LRRC4B: variants seen among roughly 807,000 people sequenced by gnomAD.
LRRC4B encodes the protein leucine-rich repeat-containing protein 4B.
Under a neutral mutation model 7.3 loss-of-function variants are expected in LRRC4B, and 1 was observed. The ratio of observed to expected loss-of-function variants is 0.14; its 90% CI spans 0.05 to 0.65. LRRC4B has a LOEUF of 0.65. LRRC4B is among the 30% of genes least tolerant of loss of function. LRRC4B has a pLI of 0.84. For synonymous variants in LRRC4B, 500 were observed against 499.2 expected, an observed-to-expected ratio of 1.00 and a Z score of -0.02; for missense variants, 730 against 1,041.6, an observed-to-expected ratio of 0.70 and a Z score of 4.12.
intron 2 of LRRC4B, among the ~76,000 whole-genome samples, chr19:50,540,195 T>C (rs1267235804): frequency 2.6e-5 from 4 of 152,122 alleles, no homozygotes; most frequent in Non-Finnish European, 4.4e-5. Context: ...CAGTGATTCA[T>C]TGAACCCAGG....
At chr19:50,530,933 G>C (rs867242532) in intron 2 of LRRC4B, among the ~76,000 whole-genome samples, 23 of 150,742 alleles carry the variant, frequency 1.5e-4, no homozygotes, top group African/African-American at 2.7e-4. Flanking sequence ...AAACCTGGGG[G>C]GGGGGGGTCT....
Position 50,517,249 on chromosome 19 carries a change from G to C in LRRC4B, c.*322C>G. 1 of 239,454 alleles carries C rather than the reference G, an allele frequency of 4.2e-6. No homozygotes were observed. Among genetic ancestry groups the C allele is most frequent in the Non-Finnish European group, 8.0e-6 (1 of 124,358 alleles). 14.8% of individuals were successfully genotyped at this position (239,454 alleles called of 1,614,324 possible). A position where few individuals can be genotyped will look rare whatever the true frequency, so the allele number is the denominator to read the frequency against. On this transcript the variant is annotated 3_prime_UTR_variant, in exon 3 of 3. Transcript: ENST00000652263. The surrounding 1 kb of genome is among the most constrained non-coding windows in gnomAD (Gnocchi z 6.6). ...AAAGCTCCTCTCTCCCCTGGAAGGC[G>C]GCGGGCCCGGAACGCTTGGTGGGAG...
chr19:50,546,688 C>G (rs978885624), intron 2 of LRRC4B, among the ~76,000 whole-genome samples: 1 of 152,100 alleles, frequency 6.6e-6, no homozygotes, highest in Non-Finnish European at 1.5e-5. Flanking sequence ...AATGTACGTC[C>G]GCTGGTGGCG....
At position 50,516,929 on chromosome 19, in the gene LRRC4B, TG is replaced by T. The variant is rs1203650578; in HGVS notation, c.*641del. 2.6e-5 allele frequency: 4 copies of T among 151,490 alleles called. No individual in the cohort carries two copies. The highest frequency in any genetic ancestry group is 6.6e-5 in the Admixed American group (1 of 15,192). 9.4% of individuals were successfully genotyped at this position (151,490 alleles called of 1,614,324 possible). A position where few individuals can be genotyped will look rare whatever the true frequency, so the allele number is the denominator to read the frequency against. Reference sequence around the variant, plus strand: ...AAAAAATATTTTTTTACTTTTTCCATGTTTTTTTTTTAAAGTAATTACAGAG... The same window carrying T: ...AAAAAATATTTTTTTACTTTTTCCATTTTTTTTTTTAAAGTAATTACAGAG... On this transcript the variant is annotated 3_prime_UTR_variant, in exon 3 of 3. Transcript: ENST00000652263.
intron 2 of LRRC4B, among the ~76,000 whole-genome samples, chr19:50,520,245 A>AAAAAAC (rs1980512976): frequency 2.4e-5 from 1 of 42,322 alleles, no homozygotes; most frequent in Non-Finnish European, 4.0e-5. Context: ...AAAAAAAAAA[A>AAAAAAC]AAGAAGAAAA....
chr19:50,536,776 G>A (rs1243892317), intron 2 of LRRC4B, among the ~76,000 whole-genome samples: 1 of 152,188 alleles, frequency 6.6e-6, no homozygotes, highest in Non-Finnish European at 1.5e-5. Context: ...ATCTGTCTGT[G>A]ACTATTTAAA....
chr19:50,551,100 C>A (rs1982037795), intron 1 of LRRC4B: 1 of 148,662 alleles, frequency 6.7e-6, no homozygotes, highest in Non-Finnish European at 1.5e-5. Flanking sequence ...ACGGCTTCTG[C>A]AGCGACTCGG....
In LRRC4B at chr19:50,517,471, GTGGGC is replaced by G; in HGVS notation, c.*95_*99del. The stretch of plus-strand genomic sequence containing the variant: ...CCAATTCCCTGCGTGGTCCCAGAAG[GTGGGC>G]TGGGCTGTGGGAGGGAGGGGTCCCG... On this transcript the variant is annotated 3_prime_UTR_variant, in exon 3 of 3. Transcript: ENST00000652263. This position sits in a 1 kb window ranked among gnomAD's most constrained non-coding sequence, Gnocchi z 6.6. The G allele has an allele frequency of 9.0e-7, 1 of 1,106,318 alleles. No homozygotes were observed. Among genetic ancestry groups the G allele is most frequent in the Non-Finnish European group, 1.2e-6 (1 of 850,882 alleles). The allele number at this position is 1,106,318 out of a possible 1,614,324, so 68.5% of individuals were successfully genotyped here. A position where few individuals can be genotyped will look rare whatever the true frequency, so the allele number is the denominator to read the frequency against.
intron 2 of LRRC4B, among the ~76,000 whole-genome samples, chr19:50,536,246 GC>G (rs1469074035): frequency 6.6e-6 from 1 of 151,840 alleles, no homozygotes; most frequent in Non-Finnish European, 1.5e-5. Flanking sequence ...CGATTCTCCT[GC>G]CTCACCCTCC....
Position 50,519,173 on chromosome 19 carries a change from G to A in LRRC4B, c.540C>T (p.Arg180=), listed in dbSNP as rs535610576. The change falls in exon 3 of 3, where the codon CGC becomes CGT. Residue 180 remains arginine, a synonymous_variant. Coordinates refer to ENST00000652263, the MANE Select transcript of LRRC4B (RefSeq NM_001080457.2). The surrounding 1 kb of genome is among the most constrained non-coding windows in gnomAD (Gnocchi z 8.1). ...IESIPSYAFN[R]VPSLRRLDLG... is the part of the protein sequence containing the mutation. Reference sequence around the variant, plus strand: ...GGTCCAGGCGCCGCAGCGAGGGCACGCGGTTGAAGGCGTAGGAGGGGATGC... The same window carrying A: ...GGTCCAGGCGCCGCAGCGAGGGCACACGGTTGAAGGCGTAGGAGGGGATGC... The A allele has an allele frequency of 6.2e-6, 10 of 1,613,770 alleles. No individual in the cohort carries two copies. In the African/African-American group the frequency reaches 9.3e-5, roughly 15 times the overall value.
chr19:50,564,818 G>C (rs952753624), intron 1 of LRRC4B, among the ~76,000 whole-genome samples: 8 of 151,982 alleles, frequency 5.3e-5, no homozygotes, highest in African/African-American at 1.9e-4. Flanking sequence ...GAGGGGGTGG[G>C]GACCCTGGCA....
chr19:50,548,833 C>A lies in LRRC4B; in HGVS notation c.6G>T (p.Ala2=), dbSNP rs956986591. Reference sequence around the variant, plus strand: ...GGGGGCACGGGGAGCCGCGGGCACGCGCCATCCTCAATGTTCATGCTCCGC... The same window carrying A: ...GGGGGCACGGGGAGCCGCGGGCACGAGCCATCCTCAATGTTCATGCTCCGC... M[A]RARGSPCPPL... is the part of the protein sequence containing the mutation. The change falls in exon 2 of 3, where the codon GCG becomes GCT. Residue 2 remains alanine, a synonymous_variant. Transcript: ENST00000652263. The surrounding 1 kb of genome is among the most constrained non-coding windows in gnomAD (Gnocchi z 6.8). 2 of 1,476,256 alleles carry A rather than the reference C, an allele frequency of 1.4e-6. No homozygotes were observed. The highest frequency in any genetic ancestry group is 1.3e-5 in the South Asian group (1 of 74,196). 91.4% of individuals were successfully genotyped at this position (1,476,256 alleles called of 1,614,324 possible). A position where few individuals can be genotyped will look rare whatever the true frequency, so the allele number is the denominator to read the frequency against.
In LRRC4B at chr19:50,552,814, A is replaced by G. The variant is rs118071416; in HGVS notation, c.-35-3941T>C. On this transcript the variant is annotated intron_variant, in intron 1 of 2. Coordinates refer to ENST00000652263, the MANE Select transcript of LRRC4B (RefSeq NM_001080457.2). ...CATCCATCCTTCCATCCATCTGTCCAACAAATGTCTACCCAGTCCCTGCTA... is the reference window on the plus strand; with the variant it reads ...CATCCATCCTTCCATCCATCTGTCCGACAAATGTCTACCCAGTCCCTGCTA... Among the ~76,000 whole-genome samples, 1,172 of 152,286 alleles carry G rather than the reference A, an allele frequency of 7.7e-3. 4 individuals are homozygous for G. The highest frequency in any genetic ancestry group is 0.011 in the Non-Finnish European group (740 of 68,028).
At chr19:50,567,486 C>A (rs1982667504) in intron 1 of LRRC4B, among the ~76,000 whole-genome samples, 1 of 151,954 alleles carries the variant, frequency 6.6e-6, no homozygotes, top group African/African-American at 2.4e-5. Context: ...CCCGCCTCTC[C>A]CCCCTCCCCA....
intron 2 of LRRC4B, among the ~76,000 whole-genome samples, chr19:50,544,652 C>A (rs1420434043): frequency 6.6e-6 from 1 of 152,192 alleles, no homozygotes; most frequent in Non-Finnish European, 1.5e-5. Flanking sequence ...CGAAGGAGAG[C>A]TACCCATGGC....
chr19:50,554,644 T>G (rs1982210918), intron 1 of LRRC4B, among the ~76,000 whole-genome samples: 1 of 152,204 alleles, frequency 6.6e-6, no homozygotes, highest in African/African-American at 2.4e-5. Flanking sequence ...ACTCACTGAA[T>G]AATGACACCA....
rs368518866 is a variant in LRRC4B, at chr19:50,532,233, CAACAAA to C, written c.298-12824_298-12819del. Among the ~76,000 whole-genome samples, 684 of 152,064 alleles carry C rather than the reference CAACAAA, an allele frequency of 4.5e-3. 4 individuals carry two copies. Among genetic ancestry groups the C allele is most frequent in the Non-Finnish European group, 6.9e-3 (472 of 67,976 alleles). On this transcript the variant is annotated intron_variant, in intron 2 of 2. Coordinates refer to ENST00000652263, the MANE Select transcript of LRRC4B (RefSeq NM_001080457.2). ...CCTGGGTGACAGTGAGACTCTGTCTCAACAAAAACAAAAACAAAAACAAAAACAAAA... is the reference window on the plus strand; with the variant it reads ...CCTGGGTGACAGTGAGACTCTGTCTCAACAAAAACAAAAACAAAAACAAAA...
chr19:50,544,485 C>A (rs935852428), intron 2 of LRRC4B, among the ~76,000 whole-genome samples: 34 of 147,826 alleles, frequency 2.3e-4, no homozygotes, highest in Non-Finnish European at 4.6e-4. Context: ...CCAGCCTGGG[C>A]GACAGAGCGA....
chr19:50,543,842 G>A (rs1355481849), intron 2 of LRRC4B, among the ~76,000 whole-genome samples: 6 of 118,904 alleles, frequency 5.0e-5, no homozygotes, highest in Non-Finnish European at 8.1e-5. Context: ...GACAGAGTGA[G>A]CCTCCATCTC....
Sources: allele counts gnomAD v4.1 joint callset (sites outside exome capture counted in the v4.1 genomes callset), GRCh38; gene constraint gnomAD v4.1.1; non-coding constraint Gnocchi (gnomAD v3.1); transcripts MANE v1.5; gene names NCBI Gene and HGNC (gene_info 2026-07-23, HGNC 2026-07-21).